Variants in AKAP13 observed in about 807,000 individuals in gnomAD.
The protein encoded by AKAP13 is A-kinase anchor protein 13.
Under a neutral mutation model 264.5 loss-of-function variants are expected in AKAP13, and 80 were observed. The observed-to-expected ratio is 0.30, with a 90% confidence interval of 0.25 to 0.36. The LOEUF is 0.36. AKAP13 is among the 10% of genes least tolerant of loss of function. The pLI is 1.00. For missense variants in AKAP13, 3,712 were observed against 3,435.2 expected (o/e 1.08, Z -2.01); for synonymous variants, 1,380 against 1,250.2 (o/e 1.10, Z -2.19).
At chr15:85,459,296 C>T (rs896589388) in intron 1 of AKAP13, among the ~76,000 whole-genome samples, 5 of 151,864 alleles carry the variant, frequency 3.3e-5, no homozygotes, top group African/African-American at 4.8e-5. Context: ...AAAGATTATC[C>T]TGCCTCAGCC....
In AKAP13 at chr15:85,620,252, C is replaced by T. The variant is rs918135163; in HGVS notation, c.4162-19122C>T. On this transcript the variant is annotated intron_variant, in intron 8 of 36. Transcript: ENST00000394518. ...TTGAACCCGGTAGCCATGTCCCTGG[C>T]CCTCCTGTATTGGGAGAAAGGCCGA... The T allele has an allele frequency of 1.4e-5, 19 of 1,363,584 alleles. No homozygotes were observed. The African/African-American group carries it at 2.4e-4, about 18-fold the overall frequency. 84.5% of individuals were successfully genotyped at this position (1,363,584 alleles called of 1,614,324 possible).
intron 2 of AKAP13, among the ~76,000 whole-genome samples, chr15:85,499,868 T>C (rs528682389): frequency 6.6e-6 from 1 of 152,310 alleles, no homozygotes. Flanking sequence ...CCGTTTATTA[T>C]GTTCCTTGAG....
intron 1 of AKAP13, among the ~76,000 whole-genome samples, chr15:85,442,482 ATATATATAATATATATTATAT>A (rs796799191): frequency 0.041 from 4,687 of 115,482 alleles, 152 homozygotes; most frequent in African/African-American, 0.059. Flanking sequence ...ATATTATATA[ATATATATAATATATATTATAT>A]TATATATAAT....
At position 85,708,760 on chromosome 15, in the gene AKAP13, G is replaced by A. The variant is rs1232038972; in HGVS notation, c.5532+674G>A. ...TCTCTTCATTCCTTGTCAAAGGAGTGCTTTCCAACTTCGTCGACACAGATG... is the reference window on the plus strand; with the variant it reads ...TCTCTTCATTCCTTGTCAAAGGAGTACTTTCCAACTTCGTCGACACAGATG... On this transcript the variant is annotated intron_variant, in intron 18 of 36. Transcript: ENST00000394518. The surrounding 1 kb of genome is among the most constrained non-coding windows in gnomAD (Gnocchi z 4.3). Among the ~76,000 whole-genome samples, 1 of 152,150 alleles carries A rather than the reference G, an allele frequency of 6.6e-6. No individual in the cohort carries two copies. The highest frequency in any genetic ancestry group is 1.5e-5 in the Non-Finnish European group (1 of 68,022).
chr15:85,422,135 A>G (rs2072552965), intron 1 of AKAP13, among the ~76,000 whole-genome samples: 1 of 152,196 alleles, frequency 6.6e-6, no homozygotes, highest in Admixed American at 6.5e-5. Flanking sequence ...ACCAACTAGT[A>G]TGTCTGGTCC....
At chr15:85,676,987 A>G (rs894310775) in intron 14 of AKAP13, 1 of 985,368 alleles carries the variant, frequency 1.0e-6, no homozygotes, top group African/African-American at 1.7e-5. Flanking sequence ...TCAGCAGCAG[A>G]TGCGGCCAGC....
intron 8 of AKAP13, among the ~76,000 whole-genome samples, chr15:85,626,472 C>T (rs994029292): frequency 6.6e-6 from 1 of 151,982 alleles, no homozygotes. Context: ...TTTGACTGCT[C>T]TAGGTACTAA....
At chr15:85,502,061 C>G (rs1271544815) in intron 2 of AKAP13, among the ~76,000 whole-genome samples, 1 of 152,152 alleles carries the variant, frequency 6.6e-6, no homozygotes, top group East Asian at 1.9e-4. Flanking sequence ...CTTATTAAAA[C>G]CCAGATTGCT....
intron 8 of AKAP13, among the ~76,000 whole-genome samples, chr15:85,593,969 C>T (rs993583106): frequency 2.0e-5 from 3 of 152,080 alleles, no homozygotes; most frequent in Admixed American, 2.0e-4. Flanking sequence ...GATATTGATG[C>T]CTGTTACAAA....
intron 9 of AKAP13, among the ~76,000 whole-genome samples, chr15:85,644,360 C>T (rs1442897722): frequency 6.6e-6 from 1 of 151,836 alleles, no homozygotes; most frequent in African/African-American, 2.4e-5. Flanking sequence ...TCTGCCTCAG[C>T]CTCCCAAGTA....
At chr15:85,591,233 C>G (rs966418326) in intron 8 of AKAP13, among the ~76,000 whole-genome samples, 6 of 146,172 alleles carry the variant, frequency 4.1e-5, no homozygotes, top group Non-Finnish European at 9.1e-5. Flanking sequence ...TAATTTTTCC[C>G]ATTATACTAT....
intron 8 of AKAP13, among the ~76,000 whole-genome samples, chr15:85,630,960 T>G (rs2081759186): frequency 6.6e-6 from 1 of 151,416 alleles, no homozygotes; most frequent in African/African-American, 2.4e-5. Flanking sequence ...ACACAAAAAC[T>G]CTGAATGTTC....
At chr15:85,704,492 T>A (rs532120571) in intron 17 of AKAP13, among the ~76,000 whole-genome samples, 29 of 152,334 alleles carry the variant, frequency 1.9e-4, no homozygotes, top group African/African-American at 7.0e-4. Flanking sequence ...TAGATGATAG[T>A]TTCCAGTCAT....
intron 8 of AKAP13, among the ~76,000 whole-genome samples, chr15:85,622,736 A>G (rs1019390700): frequency 2.0e-5 from 3 of 152,194 alleles, no homozygotes; most frequent in Non-Finnish European, 2.9e-5. Context: ...TAACTTTCCC[A>G]GTGTCTCACA....
At chr15:85,627,489 T>G (rs983218634) in intron 8 of AKAP13, 1 of 152,292 alleles carries the variant, frequency 6.6e-6, no homozygotes, top group African/African-American at 2.4e-5. Context: ...GTGTGTTTCC[T>G]TCCTCCCTAC....
chr15:85,613,573 C>G (rs538762224), intron 8 of AKAP13, among the ~76,000 whole-genome samples: 2 of 151,014 alleles, frequency 1.3e-5, no homozygotes, highest in African/African-American at 4.9e-5. Flanking sequence ...CCCAGCTACT[C>G]AGGAGGCTGA....
At chr15:85,690,959 A>G (rs1241264534) in intron 16 of AKAP13, among the ~76,000 whole-genome samples, 1 of 152,144 alleles carries the variant, frequency 6.6e-6, no homozygotes, top group Non-Finnish European at 1.5e-5. Flanking sequence ...AATACATGTA[A>G]ATTGCTTACT....
intron 1 of AKAP13, among the ~76,000 whole-genome samples, chr15:85,429,537 G>A (rs1284095015): frequency 6.6e-6 from 1 of 152,106 alleles, no homozygotes; most frequent in African/African-American, 2.4e-5. Flanking sequence ...CCTCCCTCTG[G>A]CCTTCAGGAA....
At position 85,581,911 on chromosome 15, in the gene AKAP13, C is replaced by T. The variant is rs761455307; in HGVS notation, c.3843C>T (p.Ser1281=). The T allele has an allele frequency of 9.9e-6, 16 of 1,614,208 alleles. No homozygotes were observed. The South Asian group carries it at 1.2e-4, about 12-fold the overall frequency. ...TEGEACHMSL[S]SPELGPLTKG... is the part of the protein sequence containing the mutation. Reference sequence around the variant, plus strand: ...GGGAGGCCTGTCACATGTCACTGTCCAGCCCTGAGTTGGGTCCTCTCACTA... The same window carrying T: ...GGGAGGCCTGTCACATGTCACTGTCTAGCCCTGAGTTGGGTCCTCTCACTA... Residue 1281 remains serine (S), a synonymous_variant, in exon 7 of 37, where the codon TCC becomes TCT. Coordinates refer to ENST00000394518, the MANE Select transcript of AKAP13 (RefSeq NM_007200.5).
Sources: allele counts gnomAD v4.1 joint callset (sites outside exome capture counted in the v4.1 genomes callset), GRCh38; gene constraint gnomAD v4.1.1; non-coding constraint Gnocchi (gnomAD v3.1); transcripts MANE v1.5; gene names NCBI Gene and HGNC (gene_info 2026-07-23, HGNC 2026-07-21).